SPAG16: variants seen among roughly 807,000 people sequenced by gnomAD.
SPAG16 encodes the protein sperm-associated antigen 16 protein.
In SPAG16, 86 loss-of-function variants were observed where a neutral mutation model predicts 80.4. That is an observed-to-expected ratio of 1.07 (90% CI 0.90 to 1.28). The LOEUF is 1.28. Among genes scored for constraint, SPAG16 ranks in the 50% most tolerant of loss-of-function variants. The pLI is 0.00. For synonymous variants in SPAG16, 294 were observed against 265.9 expected (o/e 1.11, Z -1.03); for missense variants, 870 against 765.3 (o/e 1.14, Z -1.61).
At chr2:213,579,668 A>G (rs1440362171) in intron 10 of SPAG16, among the ~76,000 whole-genome samples, 2 of 152,084 alleles carry the variant, frequency 1.3e-5, no homozygotes, top group African/African-American at 4.8e-5. Flanking sequence ...TCTTTTTTGT[A>G]TAATCAATTT....
chr2:213,856,982 C>A (rs1397279235), intron 10 of SPAG16, among the ~76,000 whole-genome samples: 1 of 152,172 alleles, frequency 6.6e-6, no homozygotes, highest in Non-Finnish European at 1.5e-5. Flanking sequence ...GTAATCCCAG[C>A]ACTTTGGGAG....
At chr2:213,407,975 GGAGA>G (rs113044009) in intron 9 of SPAG16, among the ~76,000 whole-genome samples, 18 of 105,910 alleles carry the variant, frequency 1.7e-4, no homozygotes, top group Middle Eastern at 7.0e-3. Context: ...GAGAGAGACA[GGAGA>G]GAGAGAGGAG....
chr2:213,915,497 A>G (rs1361132307), intron 11 of SPAG16, among the ~76,000 whole-genome samples: 2 of 152,112 alleles, frequency 1.3e-5, no homozygotes, highest in East Asian at 1.9e-4. Flanking sequence ...CATGGTGTAT[A>G]TGTGCCACAT....
intron 15 of SPAG16, among the ~76,000 whole-genome samples, chr2:214,157,681 AATG>A (rs2056273375): frequency 6.6e-6 from 1 of 152,098 alleles, no homozygotes; most frequent in South Asian, 2.1e-4. Flanking sequence ...AGACTATCCT[AATG>A]ATGACTCATA....
chr2:213,603,404 G>A (rs1475928144), intron 10 of SPAG16, among the ~76,000 whole-genome samples: 2 of 152,148 alleles, frequency 1.3e-5, no homozygotes, highest in Non-Finnish European at 2.9e-5. Context: ...TTCTCACTTT[G>A]ATTATGCCAT....
chr2:213,814,741 G>A (rs2072406771), intron 10 of SPAG16, among the ~76,000 whole-genome samples: 1 of 152,040 alleles, frequency 6.6e-6, no homozygotes, highest in Non-Finnish European at 1.5e-5. Flanking sequence ...AGTGAGCCGA[G>A]ATCGCACCAC....
intron 10 of SPAG16, among the ~76,000 whole-genome samples, chr2:213,721,086 T>C (rs998384138): frequency 6.6e-5 from 10 of 151,500 alleles, no homozygotes; most frequent in Admixed American, 2.6e-4. Flanking sequence ...CTATCATTAT[T>C]ATAATTCCAA....
At chr2:213,883,630 T>C (rs984514827) in intron 11 of SPAG16, among the ~76,000 whole-genome samples, 6 of 152,294 alleles carry the variant, frequency 3.9e-5, no homozygotes, top group Admixed American at 3.3e-4. Flanking sequence ...CCCACTATTA[T>C]AGTGTGGTTG....
chr2:213,922,232 T>C (rs987622562), intron 11 of SPAG16, among the ~76,000 whole-genome samples: 8 of 142,524 alleles, frequency 5.6e-5, no homozygotes, highest in African/African-American at 2.0e-4. Context: ...TTTAAATTCT[T>C]TTTTCTTTAT....
chr2:213,608,018 A>G lies in SPAG16; in HGVS notation c.1070+117928A>G, dbSNP rs181938285. Among the ~76,000 whole-genome samples the G allele has an allele frequency of 4.7e-3, 712 of 152,226 alleles. 3 individuals are homozygous for G. Among genetic ancestry groups the G allele is most frequent in the Non-Finnish European group, 8.3e-3 (567 of 68,008 alleles). On this transcript the variant is annotated intron_variant, in intron 10 of 15. Coordinates refer to ENST00000331683, the MANE Select transcript of SPAG16 (RefSeq NM_024532.5). ...TATAGTGTGAAGTATAATTTTTTTTATAATGTTATCTATTAAGAATTCTTG... is the reference window on the plus strand; with the variant it reads ...TATAGTGTGAAGTATAATTTTTTTTGTAATGTTATCTATTAAGAATTCTTG...
chr2:214,084,803 CATT>C (rs2051612888), intron 13 of SPAG16, among the ~76,000 whole-genome samples: 1 of 152,192 alleles, frequency 6.6e-6, no homozygotes, highest in Admixed American at 6.5e-5. Context: ...ATTTCTTCAT[CATT>C]CATTATGTAC....
intron 10 of SPAG16, among the ~76,000 whole-genome samples, chr2:213,726,625 A>G (rs957430905): frequency 1.3e-5 from 2 of 152,186 alleles, no homozygotes; most frequent in African/African-American, 2.4e-5. Flanking sequence ...ACCACACTAC[A>G]CTGGTCTTGA....
intron 10 of SPAG16, among the ~76,000 whole-genome samples, chr2:213,779,879 G>A (rs1368443314): frequency 6.6e-6 from 1 of 152,132 alleles, no homozygotes; most frequent in Non-Finnish European, 1.5e-5. Context: ...AGCCACCAGT[G>A]GTGTCTATTA....
intron 11 of SPAG16, among the ~76,000 whole-genome samples, chr2:213,891,893 A>G (rs926988570): frequency 3.3e-5 from 5 of 152,130 alleles, no homozygotes; most frequent in African/African-American, 4.8e-5. Flanking sequence ...AAGATGGACA[A>G]CCATCTTCCC....
chr2:214,112,986 T>C (rs1006014843), intron 14 of SPAG16, among the ~76,000 whole-genome samples: 1 of 152,220 alleles, frequency 6.6e-6, no homozygotes, highest in Non-Finnish European at 1.5e-5. Context: ...TGTTTAGTGC[T>C]TCTTTCTGGA....
At chr2:213,604,942 ATATT>A (rs2061202157) in intron 10 of SPAG16, among the ~76,000 whole-genome samples, 1 of 148,900 alleles carries the variant, frequency 6.7e-6, no homozygotes, top group South Asian at 2.1e-4. Context: ...TATATATAAA[ATATT>A]TATATTAAAT....
chr2:213,667,011 T>C (rs183642975), intron 10 of SPAG16, among the ~76,000 whole-genome samples: 3 of 152,308 alleles, frequency 2.0e-5, no homozygotes, highest in Admixed American at 2.0e-4. Context: ...CACTTCAAGA[T>C]CTCTTGCCTG....
intron 9 of SPAG16, among the ~76,000 whole-genome samples, chr2:213,407,594 CA>C (rs2068686338): frequency 1.9e-5 from 2 of 104,520 alleles, no homozygotes; most frequent in Non-Finnish European, 3.7e-5. Context: ...GAGAGAGAGA[CA>C]GGAGAGAGAG....
chr2:213,668,499 G>A (rs16850663), intron 10 of SPAG16, among the ~76,000 whole-genome samples: 7,585 of 152,082 alleles, frequency 0.05, 609 homozygotes, highest in African/African-American at 0.17. Context: ...CAGATAGATT[G>A]AATTTTATTA....
Sources: gnomAD v4.1 joint callset for allele counts (sites outside exome capture counted in the v4.1 genomes callset) on GRCh38, gnomAD v4.1.1 for gene constraint, MANE v1.5 for transcripts, NCBI Gene and HGNC (gene_info 2026-07-23, HGNC 2026-07-21) for gene names.